Variants in WWOX observed in about 807,000 individuals in gnomAD.
WWOX encodes WW domain containing oxidoreductase.
WWOX carries 69 observed loss-of-function variants against 46.2 expected under a neutral mutation model. The ratio of observed to expected loss-of-function variants is 1.49; its 90% CI spans 1.23 to 1.82. The LOEUF is 1.82. Among genes scored for constraint, WWOX ranks in the 40% most tolerant of loss-of-function variants. The pLI, the probability that WWOX is intolerant of heterozygous loss-of-function variation, is 0.00. For synonymous variants in WWOX, 359 were observed against 202.6 expected, an observed-to-expected ratio of 1.77 and a Z score of -6.56; for missense variants, 919 against 542.6, an observed-to-expected ratio of 1.69 and a Z score of -6.89.
intron 8 of WWOX, among the ~76,000 whole-genome samples, chr16:78,606,468 G>C (rs549710418): frequency 2.6e-5 from 4 of 151,452 alleles, no homozygotes; most frequent in Non-Finnish European, 4.4e-5. Context: ...AAAAAAAAAA[G>C]GGTGCTTGAT....
chr16:78,105,121 G>T (rs2032058141), intron 1 of WWOX, among the ~76,000 whole-genome samples: 1 of 152,192 alleles, frequency 6.6e-6, no homozygotes, highest in African/African-American at 2.4e-5. Context: ...TGGGGTATTG[G>T]CATCTGATGG....
intron 8 of WWOX, among the ~76,000 whole-genome samples, chr16:79,112,897 C>T (rs544485573): frequency 6.6e-6 from 1 of 152,336 alleles, no homozygotes; most frequent in Admixed American, 6.5e-5. Context: ...ACAGTCTAGC[C>T]TCTGTGCAGC....
chr16:78,482,414 G>A (rs1024204673), intron 8 of WWOX, among the ~76,000 whole-genome samples: 2 of 152,078 alleles, frequency 1.3e-5, no homozygotes, highest in Non-Finnish European at 2.9e-5. Flanking sequence ...TTAGACACCA[G>A]GTTTCACCAT....
chr16:78,769,465 A>G (rs1452976790), intron 8 of WWOX, among the ~76,000 whole-genome samples: 1 of 152,140 alleles, frequency 6.6e-6, no homozygotes, highest in African/African-American at 2.4e-5. Flanking sequence ...CCTTGCTTGC[A>G]TTCTGTGACA....
intron 8 of WWOX, among the ~76,000 whole-genome samples, chr16:78,907,374 A>T (rs757547283): frequency 2.0e-5 from 3 of 152,182 alleles, no homozygotes; most frequent in Admixed American, 6.5e-5. Flanking sequence ...GGAAATTGCA[A>T]ATCTTGTAAC....
chr16:78,951,986 C>T (rs947945070), intron 8 of WWOX, among the ~76,000 whole-genome samples: 3 of 152,108 alleles, frequency 2.0e-5, no homozygotes, highest in Non-Finnish European at 2.9e-5. Flanking sequence ...GTGAGTATGC[C>T]ATTCTAATCT....
chr16:79,076,342 C>T (rs1009764421), intron 8 of WWOX, among the ~76,000 whole-genome samples: 22 of 152,160 alleles, frequency 1.4e-4, no homozygotes, highest in Middle Eastern at 3.2e-3. Context: ...TCTTGGAAAC[C>T]CTGAAATGTA....
intron 8 of WWOX, among the ~76,000 whole-genome samples, chr16:78,546,107 A>T (rs2044025081): frequency 6.6e-6 from 1 of 152,304 alleles, no homozygotes; most frequent in East Asian, 1.9e-4. Context: ...TCAGTTTTTT[A>T]TGGAAGAAGA....
At chr16:79,076,008 G>C (rs1050948856) in intron 8 of WWOX, among the ~76,000 whole-genome samples, 2 of 152,086 alleles carry the variant, frequency 1.3e-5, no homozygotes, top group Admixed American at 6.5e-5. Context: ...TTGAAGTGGG[G>C]TTTTTTTCTT....
At chr16:78,490,961 A>G (rs943549966) in intron 8 of WWOX, among the ~76,000 whole-genome samples, 1 of 152,156 alleles carries the variant, frequency 6.6e-6, no homozygotes, top group African/African-American at 2.4e-5. Flanking sequence ...GGCTTGGCTC[A>G]CCAGCCCCTG....
At chr16:78,136,893 G>T (rs1378279583) in intron 4 of WWOX, among the ~76,000 whole-genome samples, 3 of 152,148 alleles carry the variant, frequency 2.0e-5, no homozygotes, top group African/African-American at 7.2e-5. Flanking sequence ...TCAGTGCTAG[G>T]TCAGGCCAGA....
chr16:78,983,397 A>G (rs999872784), intron 8 of WWOX, among the ~76,000 whole-genome samples: 3 of 152,270 alleles, frequency 2.0e-5, no homozygotes, highest in African/African-American at 4.8e-5. Flanking sequence ...GATAGGATGG[A>G]TATTTTCCTG....
In WWOX at chr16:78,864,754, C is replaced by CTT. The variant is rs57606576; in HGVS notation, c.1057-346827_1057-346826dup. On this transcript the variant is annotated intron_variant, in intron 8 of 8. Coordinates refer to ENST00000566780, the MANE Select transcript of WWOX (RefSeq NM_016373.4). The stretch of plus-strand genomic sequence containing the variant: ...CTGTGTGGCTATTTTTCTCCAACTC[C>CTT]TTTTTTTTTTTTTTTTTTTTTTTTT... Among the ~76,000 whole-genome samples, 288 of 87,142 alleles carry CTT rather than the reference C, an allele frequency of 3.3e-3. 22 individuals carry two copies. The highest frequency in any genetic ancestry group is 9.4e-3 in the Admixed American group (65 of 6,892). The allele number at this position is 87,142 out of a possible 152,430, so 57.2% of individuals were successfully genotyped here.
At chr16:78,437,009 C>G (rs1183041283) in intron 8 of WWOX, among the ~76,000 whole-genome samples, 4 of 152,214 alleles carry the variant, frequency 2.6e-5, no homozygotes, top group Non-Finnish European at 4.4e-5. Context: ...ATGTCCCTAT[C>G]ACCAGATGGC....
intron 8 of WWOX, among the ~76,000 whole-genome samples, chr16:78,708,321 C>G (rs1404400487): frequency 6.6e-6 from 1 of 152,192 alleles, no homozygotes; most frequent in Non-Finnish European, 1.5e-5. Flanking sequence ...GGATATACTT[C>G]TAAGAAATGA....
At chr16:78,744,608 T>C (rs1193913214) in intron 8 of WWOX, among the ~76,000 whole-genome samples, 1 of 151,778 alleles carries the variant, frequency 6.6e-6, no homozygotes, top group South Asian at 2.1e-4. Flanking sequence ...ATTTTTGTAT[T>C]TTTAGTAGAG....
At chr16:78,383,021 G>C (rs894989398) in intron 5 of WWOX, among the ~76,000 whole-genome samples, 1 of 150,146 alleles carries the variant, frequency 6.7e-6, no homozygotes, top group Non-Finnish European at 1.5e-5. Flanking sequence ...GGACGAATAG[G>C]GGGAGGTGAT....
At chr16:78,190,458 C>T (rs965875917) in intron 5 of WWOX, among the ~76,000 whole-genome samples, 1 of 152,170 alleles carries the variant, frequency 6.6e-6, no homozygotes, top group Admixed American at 6.5e-5. Flanking sequence ...CAGTCCTATC[C>T]AGTATACCTA....
intron 8 of WWOX, among the ~76,000 whole-genome samples, chr16:79,199,535 A>G (rs2150826376): frequency 6.6e-6 from 1 of 152,328 alleles, no homozygotes; most frequent in Middle Eastern, 3.4e-3. Context: ...GAAGTCATTT[A>G]CTGACTTGAG....
Sources: allele counts gnomAD v4.1 joint callset (sites outside exome capture counted in the v4.1 genomes callset), GRCh38; gene constraint gnomAD v4.1.1; transcripts MANE v1.5; gene names NCBI Gene and HGNC (gene_info 2026-07-23, HGNC 2026-07-21).